KYNU: variants seen among roughly 807,000 people sequenced by gnomAD.
The protein encoded by KYNU is kynureninase, also known as L-kynurenine hydrolase.
In KYNU, 54 loss-of-function variants were observed where a neutral mutation model predicts 59.2. The ratio of observed to expected loss-of-function variants is 0.91; its 90% CI spans 0.73 to 1.14. The LOEUF is 1.14. KYNU is among the 50% of genes most tolerant of loss of function. KYNU has a pLI of 0.00. For missense variants in KYNU, 567 were observed against 554.4 expected, an observed-to-expected ratio of 1.02 and a Z score of -0.23; for synonymous variants, 177 against 192.0, an observed-to-expected ratio of 0.92 and a Z score of 0.65.
At chr2:143,026,591 G>C (rs376170331) in intron 10 of KYNU, among the ~76,000 whole-genome samples, 2 of 152,192 alleles carry the variant, frequency 1.3e-5, no homozygotes, top group East Asian at 3.9e-4. Flanking sequence ...GGGAGGGAGC[G>C]CACAGGTGAG....
chr2:143,017,527 C>T (rs1265985399), intron 10 of KYNU, among the ~76,000 whole-genome samples: 4 of 145,072 alleles, frequency 2.8e-5, no homozygotes, highest in African/African-American at 5.2e-5. Context: ...CTGCAATCTC[C>T]GCCTCCTGGG....
intron 4 of KYNU, 38 bp downstream of exon 4, chr2:142,927,779 T>C: frequency 1.5e-6 from 2 of 1,320,008 alleles, no homozygotes; most frequent in Non-Finnish European, 2.2e-6. Flanking sequence ...AAATGAATTG[T>C]AAAGATGTTA....
At chr2:142,968,539 T>C (rs1452179159) in intron 8 of KYNU, among the ~76,000 whole-genome samples, 1 of 152,180 alleles carries the variant, frequency 6.6e-6, no homozygotes, top group Non-Finnish European at 1.5e-5. Flanking sequence ...AGAAATATCC[T>C]GCATATGGTG....
intron 11 of KYNU, among the ~76,000 whole-genome samples, chr2:143,031,219 C>A (rs905464839): frequency 3.9e-5 from 6 of 151,990 alleles, no homozygotes; most frequent in Admixed American, 3.9e-4. Context: ...TATTTAAATT[C>A]TTTGAGATGG....
intron 2 of KYNU, among the ~76,000 whole-genome samples, chr2:142,903,989 G>A (rs972620357): frequency 5.3e-5 from 8 of 152,228 alleles, no homozygotes; most frequent in South Asian, 2.1e-4. Flanking sequence ...ATCCTGTTCT[G>A]CCTGCTCCTC....
intron 7 of KYNU, 39 bp from the exon 8 acceptor site, chr2:142,960,585 A>T (rs750263576): frequency 8.3e-5 from 131 of 1,570,996 alleles, no homozygotes; most frequent in Middle Eastern, 5.0e-4. Context: ...CAAATTTATT[A>T]TTATCGATAT....
intron 2 of KYNU, among the ~76,000 whole-genome samples, chr2:142,904,913 C>G (rs767733335): frequency 6.6e-6 from 1 of 152,144 alleles, no homozygotes; most frequent in South Asian, 2.1e-4. Flanking sequence ...TTCTAGTGGT[C>G]CTTTACCAGC....
chr2:143,017,761 G>A (rs1321785074), intron 10 of KYNU, among the ~76,000 whole-genome samples: 1 of 151,874 alleles, frequency 6.6e-6, no homozygotes, highest in Non-Finnish European at 1.5e-5. Context: ...TTTCATAGTA[G>A]CCATCCTGAC....
At chr2:142,935,098 T>C (rs1683343200) in intron 4 of KYNU, among the ~76,000 whole-genome samples, 1 of 152,192 alleles carries the variant, frequency 6.6e-6, no homozygotes, top group Non-Finnish European at 1.5e-5. Flanking sequence ...AAGGTCTCCA[T>C]GTGGGGTTTG....
rs1309259336 is a variant in KYNU, at chr2:143,042,708, A to G, written c.*536A>G. 1.3e-5 allele frequency: 2 copies of G among 149,642 alleles called. No homozygotes were observed. The highest frequency in any genetic ancestry group is 3.9e-4 in the East Asian group (2 of 5,106). 9.3% of individuals were successfully genotyped at this position (149,642 alleles called of 1,614,324 possible). ...GTGGCTTTCAAATTTTTTTGGGTAC[A>G]ATCCACATTGCTCCTGCTGATCTGT... On this transcript the variant is annotated 3_prime_UTR_variant, in exon 14 of 14. Coordinates refer to ENST00000264170, the MANE Select transcript of KYNU (RefSeq NM_003937.3).
At chr2:142,909,151 C>T (rs1195694602) in intron 2 of KYNU, among the ~76,000 whole-genome samples, 1 of 126,254 alleles carries the variant, frequency 7.9e-6, no homozygotes, top group Non-Finnish European at 1.6e-5. Flanking sequence ...ATGTTCCAAA[C>T]ATATATCAAG....
At chr2:142,944,005 G>T (rs1327853026) in intron 4 of KYNU, among the ~76,000 whole-genome samples, 1 of 152,188 alleles carries the variant, frequency 6.6e-6, no homozygotes, top group East Asian at 1.9e-4. Flanking sequence ...CTTTGCAAGA[G>T]ATTTGAAATT....
intron 10 of KYNU, among the ~76,000 whole-genome samples, chr2:142,988,473 A>G (rs533273211): frequency 2.0e-5 from 3 of 152,066 alleles, no homozygotes; most frequent in Non-Finnish European, 4.4e-5. Context: ...CTTATATGCT[A>G]TAAGAAAGAA....
chr2:142,914,601 ATG>A (rs1452748556), intron 2 of KYNU, among the ~76,000 whole-genome samples: 1 of 152,188 alleles, frequency 6.6e-6, no homozygotes, highest in African/African-American at 2.4e-5. Flanking sequence ...TTCCAAGAAC[ATG>A]TGCTCACTTT....
intron 2 of KYNU, among the ~76,000 whole-genome samples, chr2:142,912,774 A>G (rs1682533093): frequency 7.3e-6 from 1 of 136,136 alleles, no homozygotes; most frequent in Non-Finnish European, 1.5e-5. Context: ...CAGTGGCACG[A>G]TCTCGGCTCA....
chr2:142,989,424 T>C (rs1481998446), intron 10 of KYNU: 22 of 985,454 alleles, frequency 2.2e-5, no homozygotes, highest in Non-Finnish European at 2.4e-5. Context: ...TCAAATACAG[T>C]GGAACAAATG....
chr2:142,886,588 ATCT>A (rs3834108), intron 2 of KYNU, among the ~76,000 whole-genome samples: 54,392 of 151,870 alleles, frequency 0.36, 10,028 homozygotes, highest in South Asian at 0.55. Context: ...TAGAAGAAAA[ATCT>A]TCTAGGTCAT....
At chr2:142,920,330 T>G (rs1219573344) in intron 3 of KYNU, among the ~76,000 whole-genome samples, 1 of 152,240 alleles carries the variant, frequency 6.6e-6, no homozygotes, top group Non-Finnish European at 1.5e-5. Context: ...TAAAAATGGT[T>G]AATATTCATT....
In KYNU at chr2:143,042,630, A is replaced by ATATATGTG. The variant is rs1558990248; in HGVS notation, c.*459_*460insATATGTGT. ...TATATATATATATATATATATATAT[A>ATATATGTG]TGTGTGTGTGTGTGTGTGTATATAT... On this transcript the variant is annotated 3_prime_UTR_variant, in exon 14 of 14. Coordinates refer to ENST00000264170, the MANE Select transcript of KYNU (RefSeq NM_003937.3). 1.7e-5 allele frequency: 2 copies of ATATATGTG among 118,122 alleles called. No homozygotes were observed. Among genetic ancestry groups the ATATATGTG allele is most frequent in the Non-Finnish European group, 1.6e-5 (1 of 61,200 alleles). The allele number at this position is 118,122 out of a possible 1,614,324, so 7.3% of individuals were successfully genotyped here.
Sources: allele counts gnomAD v4.1 joint callset (sites outside exome capture counted in the v4.1 genomes callset), GRCh38; gene constraint gnomAD v4.1.1; transcripts MANE v1.5; gene names NCBI Gene and HGNC (gene_info 2026-07-23, HGNC 2026-07-21).